Variants in ADAMTS6 observed in about 807,000 individuals in gnomAD.
The protein encoded by ADAMTS6 is ADAM metallopeptidase with thrombospondin type 1 motif 6, also known as A disintegrin and metalloproteinase with thrombospondin motifs 6.
A neutral mutation model predicts 144.3 loss-of-function variants in ADAMTS6; 23 were observed. The ratio of observed to expected loss-of-function variants is 0.16; its 90% confidence interval spans 0.11 to 0.23. The LOEUF (loss-of-function observed/expected upper bound fraction) is 0.23, where lower values mean the gene tolerates loss of function less well. Ranked by LOEUF, ADAMTS6 falls within the 10% of genes least tolerant of loss-of-function variation. The pLI, the probability that ADAMTS6 is intolerant of heterozygous loss-of-function variation, is 1.00. For missense variants in ADAMTS6, 999 were observed against 1,379.6 expected (o/e 0.72, Z 4.37); for synonymous variants, 444 against 457.5 (o/e 0.97, Z 0.38).
At chr5:65,461,572 C>T (rs1759644571) in intron 3 of ADAMTS6, among the ~76,000 whole-genome samples, 1 of 151,234 alleles carries the variant, frequency 6.6e-6, no homozygotes, top group Admixed American at 6.6e-5. Flanking sequence ...CCTGTAACAC[C>T]AGATAAAATA....
At chr5:65,184,470 C>T (rs192140457) in intron 22 of ADAMTS6, among the ~76,000 whole-genome samples, 1 of 152,266 alleles carries the variant, frequency 6.6e-6, no homozygotes, top group African/African-American at 2.4e-5. Context: ...TCTAAACATA[C>T]GTACTATAAA....
chr5:65,404,471 G>C (rs1196263770), intron 7 of ADAMTS6, among the ~76,000 whole-genome samples: 1 of 152,138 alleles, frequency 6.6e-6, no homozygotes, highest in African/African-American at 2.4e-5. Flanking sequence ...CAAAGGATAT[G>C]AACTCATCCT....
At chr5:65,257,819 C>G (rs1760819185) in intron 14 of ADAMTS6, among the ~76,000 whole-genome samples, 1 of 152,176 alleles carries the variant, frequency 6.6e-6, no homozygotes. Flanking sequence ...CCATTCTATG[C>G]ACTTCTATAG....
At chr5:65,312,022 A>C (rs1188023677) in intron 9 of ADAMTS6, among the ~76,000 whole-genome samples, 3 of 152,190 alleles carry the variant, frequency 2.0e-5, no homozygotes, top group East Asian at 3.9e-4. Flanking sequence ...TTTGTTAAAC[A>C]ATCACTAGTA....
rs185464465 is a variant in ADAMTS6, at chr5:65,463,858, G to C, written c.463-3520C>G. On this transcript the variant is annotated intron_variant, in intron 3 of 24. Coordinates refer to ENST00000381055, the MANE Select transcript of ADAMTS6 (RefSeq NM_197941.4). The stretch of plus-strand genomic sequence containing the variant: ...GACACTCCTTTCCTGTAGTCCTCTG[G>C]AACGGTGGCTGCTTTGTCTTCTACA... 2.2e-4 allele frequency among the ~76,000 whole-genome samples: 34 copies of C among 152,222 alleles called. No individual in the cohort carries two copies. The East Asian group carries it at 6.6e-3, about 29-fold the overall frequency.
At chr5:65,225,981 T>G in intron 16 of ADAMTS6, 105 bp downstream of exon 16, 2 of 1,205,104 alleles carry the variant, frequency 1.7e-6, no homozygotes, top group Non-Finnish European at 2.2e-6. Context: ...CTCTAAAATG[T>G]GGTCCCCTTT....
intron 12 of ADAMTS6, 150 bp from the exon 13 acceptor site, chr5:65,263,112 C>T (rs1761335799): frequency 1.0e-6 from 1 of 1,004,446 alleles, no homozygotes; most frequent in Non-Finnish European, 1.5e-6. Context: ...TGTGTTTAGA[C>T]ACTGGTGAAT....
In ADAMTS6 at chr5:65,150,253, T is replaced by C. The variant is rs1361547242; in HGVS notation, c.*1583A>G. ...TGAGTTTTAGGTGTTGGTGCATGCA[T>C]GGTGTACACCTGTGTACAATGGGGA... On this transcript the variant is annotated 3_prime_UTR_variant, in exon 25 of 25. Coordinates refer to ENST00000381055, the MANE Select transcript of ADAMTS6 (RefSeq NM_197941.4). 1 of 152,590 alleles carries C rather than the reference T, an allele frequency of 6.6e-6. No individual in the cohort carries two copies. Among genetic ancestry groups the C allele is most frequent in the African/African-American group, 2.4e-5 (1 of 41,406 alleles). 9.5% of individuals were successfully genotyped at this position (152,590 alleles called of 1,614,324 possible).
At chr5:65,230,182 T>G (rs1758038489) in intron 15 of ADAMTS6, among the ~76,000 whole-genome samples, 1 of 150,572 alleles carries the variant, frequency 6.6e-6, no homozygotes, top group Admixed American at 6.7e-5. Context: ...AGTGTCAAAT[T>G]TTTGTATATG....
chr5:65,342,119 A>C (rs1316684708), intron 7 of ADAMTS6, among the ~76,000 whole-genome samples: 4 of 152,168 alleles, frequency 2.6e-5, no homozygotes, highest in African/African-American at 9.6e-5. Context: ...ATGCAGAAAA[A>C]GCATTTGATA....
chr5:65,442,071 C>A (rs1757907024), intron 7 of ADAMTS6, among the ~76,000 whole-genome samples: 3 of 129,038 alleles, frequency 2.3e-5, no homozygotes, highest in South Asian at 2.9e-4. Flanking sequence ...GGAAACAAAT[C>A]AATGAAACAG....
At chr5:65,281,670 A>G (rs964157765) in intron 11 of ADAMTS6, among the ~76,000 whole-genome samples, 2 of 152,150 alleles carry the variant, frequency 1.3e-5, no homozygotes, top group Admixed American at 1.3e-4. Flanking sequence ...AATGAACAAC[A>G]CTATTTGTAA....
chr5:65,198,041 A>G (rs559452263), intron 20 of ADAMTS6, among the ~76,000 whole-genome samples: 1 of 152,354 alleles, frequency 6.6e-6, no homozygotes, highest in South Asian at 2.1e-4. Flanking sequence ...TTTTCTCTTT[A>G]GTGTCAAGGA....
intron 7 of ADAMTS6, among the ~76,000 whole-genome samples, chr5:65,363,041 C>A (rs1749970474): frequency 1.3e-5 from 2 of 152,028 alleles, no homozygotes; most frequent in South Asian, 4.1e-4. Flanking sequence ...TAAAGATGTA[C>A]CCCAAGATAC....
intron 7 of ADAMTS6, among the ~76,000 whole-genome samples, chr5:65,449,611 A>G (rs1159141542): frequency 6.6e-6 from 1 of 152,050 alleles, no homozygotes; most frequent in East Asian, 1.9e-4. Flanking sequence ...ACAGAGCAGG[A>G]CTCCATCTCA....
intron 10 of ADAMTS6, among the ~76,000 whole-genome samples, chr5:65,294,790 A>G (rs540887077): frequency 1.7e-4 from 26 of 152,158 alleles, no homozygotes; most frequent in African/African-American, 5.8e-4. Context: ...CTTTTTTTCT[A>G]TGAAAATTCT....
intron 3 of ADAMTS6, among the ~76,000 whole-genome samples, chr5:65,461,453 T>C (rs1443396916): frequency 6.6e-6 from 1 of 152,198 alleles, no homozygotes; most frequent in Non-Finnish European, 1.5e-5. Flanking sequence ...TGATGAAAAA[T>C]GAGATGGTAA....
chr5:65,224,477 G>C (rs2112390057), intron 17 of ADAMTS6, 77 bp from the exon 18 acceptor site: 2 of 1,216,574 alleles, frequency 1.6e-6, no homozygotes, highest in African/African-American at 3.0e-5. Flanking sequence ...AATAGTAATA[G>C]TTTCCTTATT....
At chr5:65,191,286 C>T (rs904162374) in intron 21 of ADAMTS6, among the ~76,000 whole-genome samples, 2 of 151,922 alleles carry the variant, frequency 1.3e-5, no homozygotes, top group African/African-American at 2.4e-5. Context: ...CTTATTATTA[C>T]AAAAAATAGT....
Sources: gnomAD v4.1 joint callset for allele counts (sites outside exome capture counted in the v4.1 genomes callset) on GRCh38, gnomAD v4.1.1 for gene constraint, MANE v1.5 for transcripts, NCBI Gene and HGNC (gene_info 2026-07-23, HGNC 2026-07-21) for gene names.